The following MAD1L1 variants were observed in gnomAD, a reference collection of about 807,000 sequenced individuals.
The protein encoded by MAD1L1 is mitotic arrest deficient 1 like 1, also known as mitotic spindle assembly checkpoint protein MAD1.
In MAD1L1, 95 loss-of-function variants were observed where a neutral mutation model predicts 96.9. The ratio of observed to expected loss-of-function variants is 0.98; its 90% CI spans 0.83 to 1.16. MAD1L1 has a LOEUF of 1.16. Among genes scored for constraint, MAD1L1 ranks in the 50% most tolerant of loss-of-function variants. MAD1L1 has a pLI of 0.00. For synonymous variants in MAD1L1, 473 were observed against 396.6 expected, an observed-to-expected ratio of 1.19 and a Z score of -2.29; for missense variants, 1,007 against 954.4, an observed-to-expected ratio of 1.06 and a Z score of -0.73.
rs114406568 is a variant in MAD1L1 at position 1,902,411 on chromosome 7, C to T, written c.1808-4021G>A. Among the ~76,000 whole-genome samples, 1,240 of 152,254 alleles carry T rather than the reference C, an allele frequency of 8.1e-3. 17 individuals are homozygous for T. Among genetic ancestry groups the T allele is most frequent in the African/African-American group, 0.028 (1,159 of 41,546 alleles). ...AGAGCCAGCACACAGCTGTGACCCA[C>T]GGGGATAGGGACAGAGATGCCGGGG... On this transcript the variant is annotated intron_variant, in intron 17 of 18. Transcript: ENST00000265854.
chr7:2,073,568 T>C (rs1363421055), intron 11 of MAD1L1, among the ~76,000 whole-genome samples: 1 of 152,242 alleles, frequency 6.6e-6, no homozygotes, highest in African/African-American at 2.4e-5. Context: ...ACGCCTGCTC[T>C]TCCTCCGCCA....
intron 16 of MAD1L1, among the ~76,000 whole-genome samples, chr7:1,955,889 C>T (rs778241030): frequency 6.7e-6 from 1 of 150,092 alleles, no homozygotes; most frequent in Non-Finnish European, 1.5e-5. Context: ...GCTGGGCAGG[C>T]TGATAAGAAC....
intron 18 of MAD1L1, chr7:1,829,660 G>A (rs1200157965): frequency 1.4e-5 from 2 of 146,246 alleles, no homozygotes; most frequent in East Asian, 4.3e-4. Context: ...CCAATTTTCT[G>A]AAATGTGTGG....
In MAD1L1 at chr7:2,119,787, G is replaced by A. The variant is rs1787888437; in HGVS notation, c.1073+29365C>T. 6.6e-6 allele frequency among the ~76,000 whole-genome samples: 1 copy of A among 152,178 alleles called. No individual in the cohort carries two copies. The highest frequency in any genetic ancestry group is 1.5e-5 in the Non-Finnish European group (1 of 68,024). On this transcript the variant is annotated intron_variant, in intron 11 of 18. Coordinates refer to ENST00000265854, the MANE Select transcript of MAD1L1 (RefSeq NM_001013836.2). The surrounding 1 kb of genome is among the most constrained non-coding windows in gnomAD (Gnocchi z 4.6). The stretch of plus-strand genomic sequence containing the variant: ...ACCCATACAGCTCACACAGATGGCA[G>A]CCACACACGTCCCACGACAACTGTT...
intron 11 of MAD1L1, among the ~76,000 whole-genome samples, chr7:2,102,201 G>A (rs1432368297): frequency 6.9e-6 from 1 of 145,720 alleles, no homozygotes; most frequent in Non-Finnish European, 1.5e-5. Flanking sequence ...CATCACCACC[G>A]TCACCGTCAC....
At chr7:2,001,206 G>A (rs1781775947) in intron 14 of MAD1L1, among the ~76,000 whole-genome samples, 1 of 152,250 alleles carries the variant, frequency 6.6e-6, no homozygotes, top group Non-Finnish European at 1.5e-5. Flanking sequence ...AGGCCCTGGG[G>A]TCCGTACAAC....
intron 1 of MAD1L1, among the ~76,000 whole-genome samples, chr7:2,231,951 T>C (rs1010869845): frequency 1.3e-5 from 2 of 152,208 alleles, no homozygotes; most frequent in African/African-American, 2.4e-5. Context: ...ACTATATTTG[T>C]AAGCTCAGTC....
intron 11 of MAD1L1, among the ~76,000 whole-genome samples, chr7:2,087,825 C>T (rs1265090528): frequency 6.6e-6 from 1 of 152,184 alleles, no homozygotes; most frequent in Admixed American, 6.5e-5. Context: ...CCTGCCTGTC[C>T]ACAGAGAACA....
intron 17 of MAD1L1, among the ~76,000 whole-genome samples, chr7:1,900,591 C>T (rs562852294): frequency 1.3e-5 from 2 of 152,168 alleles, no homozygotes; most frequent in African/African-American, 4.8e-5. Flanking sequence ...CTCTTCCCTG[C>T]GTCCCTCGGC....
At chr7:2,159,570 G>GT (rs1364294105) in intron 10 of MAD1L1, among the ~76,000 whole-genome samples, 1 of 152,166 alleles carries the variant, frequency 6.6e-6, no homozygotes, top group East Asian at 1.9e-4. Flanking sequence ...GCATGGGACT[G>GT]TTTTTTATTT....
intron 15 of MAD1L1, 44 bp downstream of exon 15, chr7:1,980,409 G>T: frequency 2.0e-6 from 3 of 1,505,966 alleles, no homozygotes; most frequent in Non-Finnish European, 2.7e-6. Flanking sequence ...CTCCTCTCTG[G>T]GGGACACACC....
chr7:2,213,187 C>T lies in MAD1L1; in HGVS notation c.986+25G>A, dbSNP rs1408321984. On this transcript the variant is annotated intron_variant, in intron 10 of 18. Coordinates refer to ENST00000265854, the MANE Select transcript of MAD1L1 (RefSeq NM_001013836.2). Reference sequence around the variant, plus strand: ...CAGGACCCTTCAAAGAAGGCGGGACCCCGGAGACACCTGCCCTTCCCTACC... The same window carrying T: ...CAGGACCCTTCAAAGAAGGCGGGACTCCGGAGACACCTGCCCTTCCCTACC... The T allele has an allele frequency of 4.3e-6, 7 of 1,613,802 alleles. No individual in the cohort carries two copies. In the East Asian group the frequency reaches 1.6e-4, roughly 36 times the overall value.
Position 1,842,413 on chromosome 7 carries a change from G to A in MAD1L1, c.1999-26185C>T, listed in dbSNP as rs989495764. Among the ~76,000 whole-genome samples, 5 of 152,224 alleles carry A rather than the reference G, an allele frequency of 3.3e-5. 1 individual carries two copies. The highest frequency in any genetic ancestry group is 2.6e-4 in the Admixed American group (4 of 15,292). Reference sequence around the variant, plus strand: ...GAGCCCGGCCTCAGCCGTCACAGCCGGGCTTGGCCCTGCACTTAGGATCCA... The same window carrying A: ...GAGCCCGGCCTCAGCCGTCACAGCCAGGCTTGGCCCTGCACTTAGGATCCA... On this transcript the variant is annotated intron_variant, in intron 18 of 18. Coordinates refer to ENST00000265854, the MANE Select transcript of MAD1L1 (RefSeq NM_001013836.2).
rs191075711 is a variant in MAD1L1 at position 1,830,351 on chromosome 7, C to T, written c.1999-14123G>A. On this transcript the variant is annotated intron_variant, in intron 18 of 18. Coordinates refer to ENST00000265854, the MANE Select transcript of MAD1L1 (RefSeq NM_001013836.2). ...GGCGGAGGTTGCAGTGAGCCGAGAT[C>T]GTGCCACTGCACTCCAGCCTGGGCG... Among the ~76,000 whole-genome samples, 859 of 152,152 alleles carry T rather than the reference C, an allele frequency of 5.6e-3. 9 individuals are homozygous for T. The highest frequency in any genetic ancestry group is 0.019 in the African/African-American group (806 of 41,506).
At chr7:2,062,060 G>C (rs190898887) in intron 12 of MAD1L1, among the ~76,000 whole-genome samples, 24 of 151,996 alleles carry the variant, frequency 1.6e-4, no homozygotes, top group Non-Finnish European at 3.4e-4. Context: ...GGCCAACATG[G>C]TGAAACCCCG....
chr7:2,065,852 T>C (rs1584237947), intron 12 of MAD1L1, among the ~76,000 whole-genome samples: 1 of 152,140 alleles, frequency 6.6e-6, no homozygotes, highest in Admixed American at 6.5e-5. Flanking sequence ...AGCGGAGGCT[T>C]TTCTGTCATT....
At chr7:2,071,173 G>A (rs1398049608) in intron 11 of MAD1L1, among the ~76,000 whole-genome samples, 3 of 152,168 alleles carry the variant, frequency 2.0e-5, no homozygotes, top group Non-Finnish European at 4.4e-5. Context: ...CTGGACTCAT[G>A]TTTGAGTGAA....
chr7:2,153,627 G>C (rs1232657410), intron 10 of MAD1L1, among the ~76,000 whole-genome samples: 1 of 152,166 alleles, frequency 6.6e-6, no homozygotes, highest in East Asian at 1.9e-4. Flanking sequence ...CACCGCTATG[G>C]AACCCAGTAT....
chr7:1,879,762 A>T (rs1785580280), intron 18 of MAD1L1, among the ~76,000 whole-genome samples: 1 of 152,120 alleles, frequency 6.6e-6, no homozygotes, highest in Non-Finnish European at 1.5e-5. Context: ...ACGGAGTCTC[A>T]CTCTGTCGCC....
Sources: allele counts gnomAD v4.1 joint callset (sites outside exome capture counted in the v4.1 genomes callset), GRCh38; gene constraint gnomAD v4.1.1; non-coding constraint Gnocchi (gnomAD v3.1); transcripts MANE v1.5; gene names NCBI Gene and HGNC (gene_info 2026-07-23, HGNC 2026-07-21).